Variants in PLXNA4 observed in about 807,000 individuals in gnomAD.
PLXNA4 encodes the protein plexin A4, also known as plexin-A4.
A neutral mutation model predicts 191.8 loss-of-function variants in PLXNA4; 44 were observed. The observed-to-expected ratio is 0.23, with a 90% CI of 0.18 to 0.29. PLXNA4 has a LOEUF of 0.29. Among genes scored for constraint, PLXNA4 ranks in the 10% least tolerant of loss-of-function variants. PLXNA4 has a pLI of 1.00. For synonymous variants in PLXNA4, 1,082 were observed against 1,009.5 expected, an observed-to-expected ratio of 1.07 and a Z score of -1.36; for missense variants, 1,800 against 2,488.8, an observed-to-expected ratio of 0.72 and a Z score of 5.89.
intron 3 of PLXNA4, among the ~76,000 whole-genome samples, chr7:132,467,234 G>C (rs918305887): frequency 6.6e-6 from 1 of 152,120 alleles, no homozygotes; most frequent in African/African-American, 2.4e-5. Flanking sequence ...CTGGTCTTGG[G>C]GCCAAAAGAG....
At chr7:132,190,146 T>C (rs1053739722) in intron 14 of PLXNA4, among the ~76,000 whole-genome samples, 15 of 152,226 alleles carry the variant, frequency 9.9e-5, no homozygotes, top group Non-Finnish European at 1.9e-4. Context: ...CACTAGACCT[T>C]ATGCTGGGAA....
rs892599286 is a variant in PLXNA4, at chr7:132,288,490, G to A, written c.1503+9601C>T. ...CCTGAGTGAAATTGGGTGAAACATT[G>A]AGACAGCTTTTCTGTTTTTGTGAAT... On this transcript the variant is annotated intron_variant, in intron 4 of 31. Transcript: ENST00000321063. Among the ~76,000 whole-genome samples, 11 of 152,284 alleles carry A rather than the reference G, an allele frequency of 7.2e-5. No individual in the cohort carries two copies. The South Asian group carries it at 8.3e-4, about 11-fold the overall frequency.
intron 3 of PLXNA4, among the ~76,000 whole-genome samples, chr7:132,357,542 A>G (rs1365260889): frequency 6.6e-6 from 1 of 152,204 alleles, no homozygotes; most frequent in Non-Finnish European, 1.5e-5. Flanking sequence ...TAAGAGACCA[A>G]GATGCCAAAA....
At chr7:132,178,719 C>T (rs572677624) in intron 20 of PLXNA4, among the ~76,000 whole-genome samples, 5,405 of 125,822 alleles carry the variant, frequency 0.043, 351 homozygotes, top group African/African-American at 0.13. Flanking sequence ...CACATACACA[C>T]ACACACACAC....
At chr7:132,467,631 G>T (rs952532132) in intron 3 of PLXNA4, among the ~76,000 whole-genome samples, 7 of 152,184 alleles carry the variant, frequency 4.6e-5, no homozygotes, top group Non-Finnish European at 1.0e-4. Context: ...CACAGAGAGA[G>T]GGCAAAGTAA....
intron 3 of PLXNA4, among the ~76,000 whole-genome samples, chr7:132,435,624 G>T (rs114236107): frequency 6.6e-6 from 1 of 152,118 alleles, no homozygotes; most frequent in Non-Finnish European, 1.5e-5. Context: ...CCGGACATCC[G>T]GGGGGTTGTC....
At chr7:132,287,179 C>T (rs2116436458) in intron 4 of PLXNA4, among the ~76,000 whole-genome samples, 1 of 152,264 alleles carries the variant, frequency 6.6e-6, no homozygotes, top group South Asian at 2.1e-4. Context: ...AGACTATAGG[C>T]ACGCACAATA....
At chr7:132,645,340 T>A (rs1803847066) in intron 2 of PLXNA4, among the ~76,000 whole-genome samples, 1 of 152,152 alleles carries the variant, frequency 6.6e-6, no homozygotes, top group African/African-American at 2.4e-5. Context: ...CAGTGAGTTC[T>A]TATGAGACTT....
chr7:132,483,296 T>C (rs1797411950), intron 3 of PLXNA4, among the ~76,000 whole-genome samples: 1 of 152,144 alleles, frequency 6.6e-6, no homozygotes, highest in South Asian at 2.1e-4. Context: ...ACATCAAGAT[T>C]CTATTCTCCT....
intron 3 of PLXNA4, among the ~76,000 whole-genome samples, chr7:132,379,574 G>T (rs1315456572): frequency 1.3e-5 from 2 of 152,204 alleles, no homozygotes; most frequent in African/African-American, 4.8e-5. Flanking sequence ...TTCCTCCTCA[G>T]ACTGTGGGCT....
intron 1 of PLXNA4, among the ~76,000 whole-genome samples, chr7:132,565,044 A>C (rs1459526567): frequency 6.6e-6 from 1 of 152,146 alleles, no homozygotes; most frequent in Admixed American, 6.5e-5. Flanking sequence ...ATCAGCAAAC[A>C]CACGGGAGCC....
At position 132,130,464 on chromosome 7, in the gene PLXNA4, C is replaced by G. The variant is rs1794894081; in HGVS notation, c.*15G>C. The stretch of plus-strand genomic sequence containing the variant: ...TGGTGTGTCCCCCTCCAGGGCGGCC[C>G]TGGAAGGACGGTTCTCAGCTGTCTA... On this transcript the variant is annotated 3_prime_UTR_variant, in exon 32 of 32. Coordinates refer to ENST00000321063, the MANE Select transcript of PLXNA4 (RefSeq NM_020911.2). 6.2e-7 allele frequency: 1 copy of G among 1,613,982 alleles called. No individual in the cohort carries two copies. The highest frequency in any genetic ancestry group is 8.5e-7 in the Non-Finnish European group (1 of 1,179,984).
chr7:132,207,495 C>A (rs1797664564), intron 10 of PLXNA4, among the ~76,000 whole-genome samples: 1 of 152,282 alleles, frequency 6.6e-6, no homozygotes, highest in East Asian at 1.9e-4. Context: ...CCATGAATAC[C>A]CACAGTTGCT....
intron 1 of PLXNA4, among the ~76,000 whole-genome samples, chr7:132,567,483 C>A: frequency 6.6e-6 from 1 of 152,150 alleles, no homozygotes; most frequent in South Asian, 2.1e-4. Flanking sequence ...CATCTGAATC[C>A]TCTGGAATAG....
Position 132,492,298 on chromosome 7 carries a change from G to T in PLXNA4, c.1189-2824C>A, listed in dbSNP as rs144711584. Among the ~76,000 whole-genome samples the T allele has an allele frequency of 3.7e-3, 558 of 152,270 alleles. 3 individuals carry two copies. Among genetic ancestry groups the T allele is most frequent in the African/African-American group, 0.013 (531 of 41,546 alleles). On this transcript the variant is annotated intron_variant, in intron 2 of 31. Transcript: ENST00000321063. ...CAAAATTGCATTTCTGAGGGGTCAG[G>T]ATTACTGAATACGATTCTTCCCCTT...
chr7:132,126,893 A>G lies in PLXNA4; in HGVS notation c.*3586T>C, dbSNP rs960434025. 6.6e-6 allele frequency: 1 copy of G among 152,174 alleles called. No individual in the cohort carries two copies. The highest frequency in any genetic ancestry group is 1.5e-5 in the Non-Finnish European group (1 of 68,050). 9.4% of individuals were successfully genotyped at this position (152,174 alleles called of 1,614,324 possible). A position where few individuals can be genotyped will look rare whatever the true frequency, so the allele number is the denominator to read the frequency against. On this transcript the variant is annotated 3_prime_UTR_variant, in exon 32 of 32. Coordinates refer to ENST00000321063, the MANE Select transcript of PLXNA4 (RefSeq NM_020911.2). ...CATACTGAAAGAAGAAGGCAAGAAAATATTTTCCTGAGGAAGTAACTGGCA... is the reference window on the plus strand; with the variant it reads ...CATACTGAAAGAAGAAGGCAAGAAAGTATTTTCCTGAGGAAGTAACTGGCA...
chr7:132,536,798 T>C (rs757379070), intron 1 of PLXNA4, among the ~76,000 whole-genome samples: 80 of 152,278 alleles, frequency 5.3e-4, no homozygotes, highest in Admixed American at 1.0e-3. Flanking sequence ...CCTAAACGTA[T>C]GGCTGACTTT....
chr7:132,612,975 G>T (rs1042300151), intron 2 of PLXNA4, among the ~76,000 whole-genome samples: 12 of 151,944 alleles, frequency 7.9e-5, no homozygotes, highest in African/African-American at 2.4e-4. Context: ...TCACCTAGAT[G>T]TAACACTATG....
At position 132,163,283 on chromosome 7, in the gene PLXNA4, G is replaced by C. The variant is rs116169731; in HGVS notation, c.4500+859C>G. Among the ~76,000 whole-genome samples the C allele has an allele frequency of 2.0e-5, 3 of 152,324 alleles. No individual in the cohort carries two copies. The South Asian group carries it at 6.2e-4, about 32-fold the overall frequency. The stretch of plus-strand genomic sequence containing the variant: ...ACGGTGACAGTGGGGAGAGGCAAGC[G>C]GGGCCTGCGTGACCAAGCACTAGTG... On this transcript the variant is annotated intron_variant, in intron 24 of 31. Coordinates refer to ENST00000321063, the MANE Select transcript of PLXNA4 (RefSeq NM_020911.2).
Sources: gnomAD v4.1 joint callset for allele counts (sites outside exome capture counted in the v4.1 genomes callset) on GRCh38, gnomAD v4.1.1 for gene constraint, MANE v1.5 for transcripts, NCBI Gene and HGNC (gene_info 2026-07-23, HGNC 2026-07-21) for gene names.